The following ZNF646 variants were observed in gnomAD, a reference collection of about 807,000 sequenced individuals.
ZNF646 encodes zinc finger protein 646.
Under a neutral mutation model 115.4 loss-of-function variants are expected in ZNF646, and 49 were observed. The ratio of observed to expected loss-of-function variants is 0.42; its 90% CI spans 0.34 to 0.54. The LOEUF is 0.54. Ranked by LOEUF, ZNF646 falls within the 20% of genes least tolerant of loss-of-function variation. The pLI, the probability that ZNF646 is intolerant of heterozygous loss-of-function variation, is 0.04. For synonymous variants in ZNF646, 933 were observed against 939.0 expected (o/e 0.99, Z 0.12); for missense variants, 2,269 against 2,457.9 (o/e 0.92, Z 1.62).
rs1278051146 is a variant in ZNF646 at position 31,084,090 on chromosome 16, G to C, written c.*998G>C. The stretch of plus-strand genomic sequence containing the variant: ...GAGAGAAGGGTCCTGGAGAGGCAGG[G>C]TTTGGCAGGAGGCCCCGGGGCCACA... On this transcript the variant is annotated 3_prime_UTR_variant, in exon 3 of 3. Coordinates refer to ENST00000300850, the MANE Select transcript of ZNF646 (RefSeq NM_014699.4). 1 of 1,551,802 alleles carries C rather than the reference G, an allele frequency of 6.4e-7. No homozygotes were observed. Among genetic ancestry groups the C allele is most frequent in the Non-Finnish European group, 8.7e-7 (1 of 1,148,104 alleles).
chr16:31,077,200 G>A lies in ZNF646; in HGVS notation c.876G>A (p.Arg292=), dbSNP rs764625208. 1.2e-6 allele frequency: 2 copies of A among 1,614,180 alleles called. No individual in the cohort carries two copies. Among genetic ancestry groups the A allele is most frequent in the South Asian group, 2.2e-5 (2 of 91,088 alleles). Residue 292 remains arginine (R), a synonymous_variant, in exon 2 of 3, where the codon CGG becomes CGA. Transcript: ENST00000300850. The part of the protein sequence containing the change: ...KNHSRLHAQY[R]PYHCPHCPRV... ...ACTCTCGACTGCATGCCCAGTATCGGCCTTACCACTGTCCCCACTGCCCCC... is the reference window on the plus strand; with the variant it reads ...ACTCTCGACTGCATGCCCAGTATCGACCTTACCACTGTCCCCACTGCCCCC...
At position 31,077,160 on chromosome 16, in the gene ZNF646, T is replaced by C; in HGVS notation, c.836T>C (p.Met279Thr). ...TGTTTCAAGGAGTTCTCTAACCTCA[T>C]GGCTCTGAAGAACCACTCTCGACTG... ...AICFKEFSNL[M>T]ALKNHSRLHA... The change falls in exon 2 of 3, where the codon ATG (methionine) becomes ACG (threonine). Residue 279 changes from methionine to threonine, a missense_variant. By Grantham distance (81) the Met-to-Thr change is moderately conservative. Around this residue, in one of 5 missense-constraint regions of ZNF646, gnomAD observed 852 missense variants for 900.2 expected, o/e 0.95. Coordinates refer to ENST00000300850, the MANE Select transcript of ZNF646 (RefSeq NM_014699.4). 1 of 1,614,186 alleles carries C rather than the reference T, an allele frequency of 6.2e-7. No individual in the cohort carries two copies. The highest frequency in any genetic ancestry group is 8.5e-7 in the Non-Finnish European group (1 of 1,180,036).
At position 31,083,267 on chromosome 16, in the gene ZNF646, C is replaced by A; in HGVS notation, c.*175C>A. The A allele has an allele frequency of 9.1e-7, 1 of 1,094,186 alleles. No homozygotes were observed. Among genetic ancestry groups the A allele is most frequent in the South Asian group, 1.8e-5 (1 of 55,390 alleles). The allele number at this position is 1,094,186 out of a possible 1,614,324, so 67.8% of individuals were successfully genotyped here. ...GAGGGGGTGGGGTGTTCCTCGCGTC[C>A]CTGTCCTTGAAGGACCTCCTTCCCC... is the stretch of plus-strand genomic sequence containing the variant. On this transcript the variant is annotated 3_prime_UTR_variant, in exon 3 of 3. Coordinates refer to ENST00000300850, the MANE Select transcript of ZNF646 (RefSeq NM_014699.4).
rs201480729 is a variant in ZNF646 at position 31,083,132 on chromosome 16, G to A, written c.*40G>A. Reference sequence around the variant, plus strand: ...AAGATCAGAATCTGGGGGAGGGAGCGCGTGCAGGGAGGGGCTTGATCTCCA... The same window carrying A: ...AAGATCAGAATCTGGGGGAGGGAGCACGTGCAGGGAGGGGCTTGATCTCCA... On this transcript the variant is annotated 3_prime_UTR_variant, in exon 3 of 3. Transcript: ENST00000300850. 2.5e-5 allele frequency: 39 copies of A among 1,588,296 alleles called. No individual in the cohort carries two copies. The highest frequency in any genetic ancestry group is 3.2e-5 in the Non-Finnish European group (38 of 1,170,486).
rs1159823659 is a variant in ZNF646, at chr16:31,077,958, A to AGGCAGC, written c.1635_1640dup (p.Ala546_Ala547dup). On this transcript the variant is annotated inframe_insertion, in exon 2 of 3. Transcript: ENST00000300850. ...CTCCCGCCTGACCCAGTGGAGGCAG[A>AGGCAGC]GGCAGCCCCGCACACAGATCAGGAC... 6.2e-7 allele frequency: 1 copy of AGGCAGC among 1,613,940 alleles called. No individual in the cohort carries two copies. Among genetic ancestry groups the AGGCAGC allele is most frequent in the East Asian group, 2.2e-5 (1 of 44,888 alleles).
In ZNF646 at chr16:31,083,526, A is replaced by ATTG; in HGVS notation, c.*436_*438dup. On this transcript the variant is annotated 3_prime_UTR_variant, in exon 3 of 3. Transcript: ENST00000300850. The stretch of plus-strand genomic sequence containing the variant: ...TTTTCAAAACAACGTGGCTGGCGTG[A>ATTG]TTGTATCTGAAAGGGTAAAGGAGGA... 7.3e-7 allele frequency: 1 copy of ATTG among 1,379,144 alleles called. No individual in the cohort carries two copies. Among genetic ancestry groups the ATTG allele is most frequent in the Middle Eastern group, 2.7e-4 (1 of 3,652 alleles). The allele number at this position is 1,379,144 out of a possible 1,614,324, so 85.4% of individuals were successfully genotyped here. A position where few individuals can be genotyped will look rare whatever the true frequency, so the allele number is the denominator to read the frequency against.
rs1365414850 is a variant in ZNF646, at chr16:31,079,922, G to T, written c.3598G>T (p.Glu1200Ter). 1 of 1,612,218 alleles carries T rather than the reference G, an allele frequency of 6.2e-7. No individual in the cohort carries two copies. The highest frequency in any genetic ancestry group is 2.2e-5 in the East Asian group (1 of 44,842). Residue 1200 changes from glutamate (E) to a stop codon, truncating the protein, a stop_gained, in exon 2 of 3, where the codon GAG becomes TAG. Coordinates refer to ENST00000300850, the MANE Select transcript of ZNF646 (RefSeq NM_014699.4). LOFTEE classifies it high-confidence loss of function. The surrounding 1 kb of genome is among the most constrained non-coding windows in gnomAD (Gnocchi z 5.5). Reference protein sequence around the residue: ...EKGCQTEASSERPFSCEVCGR... With the variant: ...EKGCQTEASS ...GGGCTGCCAGACTGAAGCCAGCTCTGAGCGGCCCTTCAGCTGCGAGGTGTG... is the reference window on the plus strand; with the variant it reads ...GGGCTGCCAGACTGAAGCCAGCTCTTAGCGGCCCTTCAGCTGCGAGGTGTG...
Position 31,078,434 on chromosome 16 carries a change from G to A in ZNF646, c.2110G>A (p.Gly704Ser). The A allele has an allele frequency of 6.2e-7, 1 of 1,602,756 alleles. No individual in the cohort carries two copies. The highest frequency in any genetic ancestry group is 1.1e-5 in the South Asian group (1 of 89,842). Reference protein sequence around the residue: ...SWTRELEDNEGLESPQDPSGE... With the variant: ...SWTRELEDNESLESPQDPSGE... ...GACCCGGGAGCTAGAAGACAATGAA[G>A]GCCTGGAGTCTCCCCAAGACCCTTC... Residue 704 changes from glycine (G) to serine (S), a missense_variant, in exon 2 of 3, where the codon GGC (glycine) becomes AGC (serine). Gly to Ser is a moderately conservative substitution (Grantham distance 56, BLOSUM62 0). This residue lies in a region of ZNF646 where 852 missense variants were observed against 900.2 expected (regional missense o/e 0.95). Transcript: ENST00000300850.
At position 31,081,484 on chromosome 16, in the gene ZNF646, G is replaced by C. The variant is rs771717449; in HGVS notation, c.5160G>C (p.Lys1720Asn). The C allele has an allele frequency of 6.2e-7, 1 of 1,614,198 alleles. No individual in the cohort carries two copies. The highest frequency in any genetic ancestry group is 8.5e-7 in the Non-Finnish European group (1 of 1,180,040). ...TTCTCCCTAACCTGCTGTCTCTTAA[G>C]AACCACAGCAGGACCCACACGGACC... ...PKLLPNLLSL[K>N]NHSRTHTDPK... Residue 1720 changes from lysine (K) to asparagine (N), a missense_variant, in exon 2 of 3, where the codon AAG becomes AAC. Physicochemically the swap from Lys to Asn is moderately conservative, Grantham distance 94. This residue lies in a region of ZNF646 where 1,062 missense variants were observed against 1,172.8 expected (regional missense o/e 0.91). Transcript: ENST00000300850.
chr16:31,076,720 C>T lies in ZNF646; in HGVS notation c.396C>T (p.Gly132=). 6.2e-7 allele frequency: 1 copy of T among 1,613,690 alleles called. No homozygotes were observed. The highest frequency in any genetic ancestry group is 1.1e-5 in the South Asian group (1 of 91,080). Residue 132 remains glycine, a synonymous_variant, in exon 2 of 3, where the codon GGC becomes GGT. Coordinates refer to ENST00000300850, the MANE Select transcript of ZNF646 (RefSeq NM_014699.4). ...VSTDSWGQRL[G]SSEGWENQTK... ...CTGACTCCTGGGGCCAAAGGCTTGGCTCTAGTGAAGGCTGGGAAAACCAGA... is the reference window on the plus strand; with the variant it reads ...CTGACTCCTGGGGCCAAAGGCTTGGTTCTAGTGAAGGCTGGGAAAACCAGA...
At position 31,074,999 on chromosome 16, in the gene ZNF646, A is replaced by T. The variant is rs1254563748; in HGVS notation, c.-80+368A>T. Among the ~76,000 whole-genome samples the T allele has an allele frequency of 2.0e-5, 3 of 152,330 alleles. No homozygotes were observed. The East Asian group carries it at 5.8e-4, about 29-fold the overall frequency. ...AGTCAGGGGGTTTGCTGTTACGTGA[A>T]CTAGAATAACAGGCATTGCCGTGTG... On this transcript the variant is annotated intron_variant, in intron 1 of 2. Coordinates refer to ENST00000300850, the MANE Select transcript of ZNF646 (RefSeq NM_014699.4).
Position 31,076,569 on chromosome 16 carries a change from A to C in ZNF646, c.245A>C (p.Lys82Thr), listed in dbSNP as rs760296982. Residue 82 changes from lysine to threonine, a missense_variant, in exon 2 of 3, where the codon AAG becomes ACG. Around this residue, in one of 5 missense-constraint regions of ZNF646, gnomAD observed 334 missense variants for 323.5 expected, o/e 1.03. Transcript: ENST00000300850. ...TGLFPCTTCG[K>T]DFSNPMALKS... ...CTTTTCCCCTGTACCACCTGTGGCA[A>C]GGACTTCTCCAATCCCATGGCTCTC... is the stretch of plus-strand genomic sequence containing the variant. 2 of 1,612,164 alleles carry C rather than the reference A, an allele frequency of 1.2e-6. No homozygotes were observed. The highest frequency in any genetic ancestry group is 2.2e-5 in the South Asian group (2 of 91,042).
Position 31,080,578 on chromosome 16 carries a change from C to G in ZNF646, c.4254C>G (p.Thr1418=). 1 of 1,614,004 alleles carries G rather than the reference C, an allele frequency of 6.2e-7. No homozygotes were observed. Among genetic ancestry groups the G allele is most frequent in the Non-Finnish European group, 8.5e-7 (1 of 1,179,998 alleles). Residue 1418 remains threonine (T), a synonymous_variant, in exon 2 of 3, where the codon ACC becomes ACG. Coordinates refer to ENST00000300850, the MANE Select transcript of ZNF646 (RefSeq NM_014699.4). Reference sequence around the variant, plus strand: ...TGACTGGCAGCCAGGGACTAGAGACCCAATTGGGTGGTGCTGAGCCAGTAC... The same window carrying G: ...TGACTGGCAGCCAGGGACTAGAGACGCAATTGGGTGGTGCTGAGCCAGTAC... The part of the protein sequence containing the change: ...ANLTGSQGLE[T]QLGGAEPVPH...
Position 31,083,102 on chromosome 16 carries a change from C to T in ZNF646, c.*10C>T. On this transcript the variant is annotated 3_prime_UTR_variant, in exon 3 of 3. Coordinates refer to ENST00000300850, the MANE Select transcript of ZNF646 (RefSeq NM_014699.4). Reference sequence around the variant, plus strand: ...CAGCTTCTCCCTCTGAACTTCAAGTCTCCAAAGATCAGAATCTGGGGGAGG... The same window carrying T: ...CAGCTTCTCCCTCTGAACTTCAAGTTTCCAAAGATCAGAATCTGGGGGAGG... The T allele has an allele frequency of 3.7e-6, 6 of 1,602,234 alleles. No homozygotes were observed. The highest frequency in any genetic ancestry group is 5.1e-6 in the Non-Finnish European group (6 of 1,175,376).
chr16:31,079,098 C>G lies in ZNF646; in HGVS notation c.2774C>G (p.Ala925Gly), dbSNP rs1438098204. The change falls in exon 2 of 3, where the codon GCA becomes GGA. Residue 925 changes from alanine to glycine, a missense_variant. Physicochemically the swap from Ala to Gly is moderately conservative, Grantham distance 60 (BLOSUM62 0). Coordinates refer to ENST00000300850, the MANE Select transcript of ZNF646 (RefSeq NM_014699.4). This position sits in a 1 kb window ranked among gnomAD's most constrained non-coding sequence, Gnocchi z 5.5. ...GGGGAAGAGGAAGGAGTGGCAGAGG[C>G]AGCCCCTGCACGCAGTCCACCACTG... Reference protein sequence around the residue: ...EEGEEEGVAEAAPARSPPLQL... With the variant: ...EEGEEEGVAEGAPARSPPLQL... 5 of 1,578,924 alleles carry G rather than the reference C, an allele frequency of 3.2e-6. No individual in the cohort carries two copies. In the South Asian group the frequency reaches 5.8e-5, roughly 18 times the overall value.
In ZNF646 at chr16:31,076,573, C is replaced by G; in HGVS notation, c.249C>G (p.Asp83Glu). 6.2e-7 allele frequency: 1 copy of G among 1,612,230 alleles called. No homozygotes were observed. Among genetic ancestry groups the G allele is most frequent in the East Asian group, 2.2e-5 (1 of 44,796 alleles). ...TCCCCTGTACCACCTGTGGCAAGGA[C>G]TTCTCCAATCCCATGGCTCTCAAGA... ...GLFPCTTCGKDFSNPMALKSH... is the reference protein window; with the variant it reads ...GLFPCTTCGKEFSNPMALKSH... Residue 83 changes from aspartate (D) to glutamate (E), a missense_variant, in exon 2 of 3, where the codon GAC (aspartate) becomes GAG (glutamate). Asp to Glu is a conservative substitution (Grantham distance 45, BLOSUM62 2). Around this residue, in one of 5 missense-constraint regions of ZNF646, gnomAD observed 334 missense variants for 323.5 expected, o/e 1.03. Transcript: ENST00000300850.
chr16:31,073,053 CG>C (rs2057028708), upstream of ZNF646: 1 of 149,660 alleles, frequency 6.7e-6, no homozygotes, highest in Non-Finnish European at 1.5e-5. Context: ...GCCGAGGAGC[CG>C]AGAGTTGCAG....
In ZNF646 at chr16:31,076,217, T is replaced by G. The variant is rs139855079; in HGVS notation, c.-79-29T>G. 1,531 of 1,432,790 alleles carry G rather than the reference T, an allele frequency of 1.1e-3. 20 individuals carry two copies. The East Asian group carries it at 0.025, about 24-fold the overall frequency. The allele number at this position is 1,432,790 out of a possible 1,614,324, so 88.8% of individuals were successfully genotyped here. On this transcript the variant is annotated intron_variant, in intron 1 of 2. Coordinates refer to ENST00000300850, the MANE Select transcript of ZNF646 (RefSeq NM_014699.4). ...CAAGAGGCGAAGTTAATTCAGGCCT[T>G]CCTTTTGACCACTGCCCCCTCTTCC...
At position 31,079,131 on chromosome 16, in the gene ZNF646, C is replaced by T. The variant is rs28735175; in HGVS notation, c.2807C>T (p.Ser936Leu). ...GCACGCAGTCCACCACTGCAGCTCT[C>T]GGAAGCAGAGCTGCTGAATCAGCTG... is the stretch of plus-strand genomic sequence containing the variant. Reference protein sequence around the residue: ...APARSPPLQLSEAELLNQLQR... With the variant: ...APARSPPLQLLEAELLNQLQR... The change falls in exon 2 of 3, where the codon TCG becomes TTG. Residue 936 changes from serine (S) to leucine (L), a missense_variant. By Grantham distance (145) the Ser-to-Leu change is moderately radical (BLOSUM62 -2). Transcript: ENST00000300850. This position sits in a 1 kb window ranked among gnomAD's most constrained non-coding sequence, Gnocchi z 5.5. 3.2e-3 allele frequency: 5,066 copies of T among 1,603,114 alleles called. 158 individuals carry two copies. The African/African-American group carries it at 0.061, about 19-fold the overall frequency.
Sources: allele counts gnomAD v4.1 joint callset (sites outside exome capture counted in the v4.1 genomes callset), GRCh38; gene constraint gnomAD v4.1.1; regional missense constraint gnomAD v4.1.1; non-coding constraint Gnocchi (gnomAD v3.1); transcripts MANE v1.5; gene names NCBI Gene and HGNC (gene_info 2026-07-23, HGNC 2026-07-21).